Variants in ITPRIP observed in about 807,000 individuals in gnomAD.
The protein encoded by ITPRIP is inositol 1,4,5-trisphosphate receptor interacting protein, also known as inositol 1,4,5-trisphosphate receptor-interacting protein.
In ITPRIP, 32 loss-of-function variants were observed where a neutral mutation model predicts 35.8. That is an observed-to-expected ratio of 0.89 (90% CI 0.68 to 1.20). The LOEUF (loss-of-function observed/expected upper bound fraction) is 1.20. Among genes scored for constraint, ITPRIP ranks in the 50% most tolerant of loss-of-function variants. The probability of loss-of-function intolerance (pLI) is 0.00; values close to 1 mark genes in which losing one functional copy is unlikely to be tolerated. For missense variants in ITPRIP, 653 were observed against 735.6 expected (o/e 0.89, Z 1.30); for synonymous variants, 358 against 324.0 (o/e 1.11, Z -1.13).
chr10:104,338,088 T>C (rs2014276986), intron 1 of ITPRIP, among the ~76,000 whole-genome samples, 158 bp downstream of exon 1: 1 of 152,148 alleles, frequency 6.6e-6, no homozygotes, highest in African/African-American at 2.4e-5. Flanking sequence ...GAAGGGGGTC[T>C]CCAAAGTCAG....
In ITPRIP at chr10:104,328,236, C is replaced by T. The variant is rs1236494206; in HGVS notation, c.-14+10010G>A. ...CACAGTGACAGCAATGCGCCCTCAC[C>T]ACTTCCCGTTGTCCTACATTGGCTT... On this transcript the variant is annotated intron_variant, in intron 1 of 1. Coordinates refer to ENST00000337478, the MANE Select transcript of ITPRIP (RefSeq NM_001272013.2). This position sits in a 1 kb window ranked among gnomAD's most constrained non-coding sequence, Gnocchi z 4.1. 1 of 985,422 alleles carries T rather than the reference C, an allele frequency of 1.0e-6. No individual in the cohort carries two copies. The highest frequency in any genetic ancestry group is 4.7e-5 in the South Asian group (1 of 21,284). 61.0% of individuals were successfully genotyped at this position (985,422 alleles called of 1,614,324 possible).
intron 1 of ITPRIP, among the ~76,000 whole-genome samples, chr10:104,317,668 AC>A (rs2013725791): frequency 6.6e-6 from 1 of 151,772 alleles, no homozygotes; most frequent in South Asian, 2.1e-4. Context: ...TCCTTCTACC[AC>A]CCCCTAGTGC....
chr10:104,321,216 G>A (rs1484670879), intron 1 of ITPRIP, among the ~76,000 whole-genome samples: 1 of 152,182 alleles, frequency 6.6e-6, no homozygotes, highest in Non-Finnish European at 1.5e-5. Flanking sequence ...ACATCAGCTG[G>A]TGGGTTTGGC....
Position 104,314,498 on chromosome 10 carries a change from G to A in ITPRIP, c.1554C>T (p.Asp518=). The A allele has an allele frequency of 1.2e-6, 2 of 1,614,226 alleles. No individual in the cohort carries two copies. Among genetic ancestry groups the A allele is most frequent in the Non-Finnish European group, 1.7e-6 (2 of 1,180,046 alleles). The change falls in exon 2 of 2, where the codon GAC becomes GAT. Residue 518 remains aspartate (D), a synonymous_variant. Transcript: ENST00000337478. ...CATTCTTGAGCATCTCATAGAAGGAGTCCAGTGTCTTACGGTAAAGGCTTC... is the reference window on the plus strand; with the variant it reads ...CATTCTTGAGCATCTCATAGAAGGAATCCAGTGTCTTACGGTAAAGGCTTC... The part of the protein sequence containing the change: ...LQRSLYRKTL[D]SFYEMLKNAP...
In ITPRIP at chr10:104,334,102, C is replaced by G. The variant is rs190483481; in HGVS notation, c.-14+4144G>C. Among the ~76,000 whole-genome samples the G allele has an allele frequency of 2.7e-3, 405 of 152,346 alleles. 3 individuals carry two copies. The highest frequency in any genetic ancestry group is 3.9e-3 in the Non-Finnish European group (262 of 68,024). ...GGTGGAGCCAGGACTCAACTCAAGTCTGCCCCACTTCAAAGCCCGTGCAGT... is the reference window on the plus strand; with the variant it reads ...GGTGGAGCCAGGACTCAACTCAAGTGTGCCCCACTTCAAAGCCCGTGCAGT... On this transcript the variant is annotated intron_variant, in intron 1 of 1. Transcript: ENST00000337478.
At chr10:104,321,553 C>T (rs1048570857) in intron 1 of ITPRIP, among the ~76,000 whole-genome samples, 4 of 152,140 alleles carry the variant, frequency 2.6e-5, no homozygotes, top group African/African-American at 7.2e-5. Flanking sequence ...ACTCCTGGGT[C>T]CCCCAGAGCC....
intron 1 of ITPRIP, among the ~76,000 whole-genome samples, chr10:104,337,024 G>A (rs1305432131): frequency 6.6e-6 from 1 of 152,200 alleles, no homozygotes; most frequent in South Asian, 2.1e-4. Context: ...GAATGGCCCA[G>A]AGCAGCCGCA....
intron 1 of ITPRIP, among the ~76,000 whole-genome samples, chr10:104,319,448 CCT>C (rs908449324): frequency 9.2e-5 from 14 of 152,194 alleles, no homozygotes; most frequent in African/African-American, 2.7e-4. Flanking sequence ...TTGGCACACC[CCT>C]GAGTCCACCC....
At chr10:104,335,500 G>C (rs1461016045) in intron 1 of ITPRIP, among the ~76,000 whole-genome samples, 4 of 152,270 alleles carry the variant, frequency 2.6e-5, no homozygotes, top group Non-Finnish European at 5.9e-5. Context: ...CCTCATGCCA[G>C]GCCCCAAACT....
intron 1 of ITPRIP, among the ~76,000 whole-genome samples, chr10:104,324,596 C>T (rs1198776198): frequency 6.6e-6 from 1 of 152,154 alleles, no homozygotes; most frequent in Non-Finnish European, 1.5e-5. Context: ...ACCCACCTCC[C>T]CCAGACCTGC....
Position 104,314,954 on chromosome 10 carries a change from G to A in ITPRIP, c.1098C>T (p.Pro366=). Residue 366 remains proline, a synonymous_variant, in exon 2 of 2, where the codon CCC becomes CCT. Transcript: ENST00000337478. ...CTGGGGTGCCCTCAGAGGGCTCCCT[G>A]GGAAGGTGGGAGACAAAGTACAGGT... ...DSDLYFVSHL[P]REPSEGTPAS... The A allele has an allele frequency of 1.2e-6, 2 of 1,613,720 alleles. No homozygotes were observed. Among genetic ancestry groups the A allele is most frequent in the Non-Finnish European group, 1.7e-6 (2 of 1,180,008 alleles).
At chr10:104,317,951 G>A (rs2013732757) in intron 1 of ITPRIP, among the ~76,000 whole-genome samples, 1 of 152,312 alleles carries the variant, frequency 6.6e-6, no homozygotes, top group African/African-American at 2.4e-5. Context: ...CAGGTCTGCA[G>A]GAACCACAAG....
chr10:104,323,022 G>C (rs2013896091), intron 1 of ITPRIP, among the ~76,000 whole-genome samples: 2 of 152,146 alleles, frequency 1.3e-5, no homozygotes, highest in African/African-American at 4.8e-5. Context: ...ATTTAAGAAA[G>C]TCAGAATATA....
intron 1 of ITPRIP, among the ~76,000 whole-genome samples, chr10:104,322,740 C>T (rs2013886272): frequency 6.6e-6 from 1 of 152,302 alleles, no homozygotes; most frequent in African/African-American, 2.4e-5. Flanking sequence ...CCTGGCGTCA[C>T]GTTCAGAGCC....
intron 1 of ITPRIP, among the ~76,000 whole-genome samples, chr10:104,331,770 C>G (rs895892910): frequency 6.6e-6 from 1 of 152,188 alleles, no homozygotes; most frequent in Non-Finnish European, 1.5e-5. Flanking sequence ...GAAGGGAAAG[C>G]CTTTCCTTCC....
intron 1 of ITPRIP, among the ~76,000 whole-genome samples, chr10:104,317,273 C>T (rs2013716470): frequency 6.6e-6 from 1 of 152,134 alleles, no homozygotes; most frequent in Non-Finnish European, 1.5e-5. Context: ...CACTCTGTTC[C>T]CCTAGGATAA....
At chr10:104,319,263 T>C (rs996958936) in intron 1 of ITPRIP, among the ~76,000 whole-genome samples, 4 of 152,212 alleles carry the variant, frequency 2.6e-5, no homozygotes, top group African/African-American at 9.6e-5. Context: ...ATCATACACC[T>C]TGGGTGCTTA....
chr10:104,316,072 C>G lies in ITPRIP; in HGVS notation c.-13-8G>C. 4.5e-6 allele frequency: 7 copies of G among 1,539,340 alleles called. No homozygotes were observed. Among genetic ancestry groups the G allele is most frequent in the Non-Finnish European group, 6.1e-6 (7 of 1,147,654 alleles). On this transcript the variant is annotated splice_polypyrimidine_tract_variant and splice_region_variant and intron_variant, in intron 1 of 1. Coordinates refer to ENST00000337478, the MANE Select transcript of ITPRIP (RefSeq NM_001272013.2). ...GCCATGGTTGGAGCTTTCCTGGGAACAGAGAGACAGATGGTCACACCAAGC... is the reference window on the plus strand; with the variant it reads ...GCCATGGTTGGAGCTTTCCTGGGAAGAGAGAGACAGATGGTCACACCAAGC...
intron 1 of ITPRIP, among the ~76,000 whole-genome samples, chr10:104,337,432 C>T (rs1036520962): frequency 2.6e-5 from 4 of 152,174 alleles, no homozygotes; most frequent in African/African-American, 9.7e-5. Context: ...GGGCAAAAGG[C>T]AAAATGAGGC....
Sources: allele counts gnomAD v4.1 joint callset (sites outside exome capture counted in the v4.1 genomes callset), GRCh38; gene constraint gnomAD v4.1.1; non-coding constraint Gnocchi (gnomAD v3.1); transcripts MANE v1.5; gene names NCBI Gene and HGNC (gene_info 2026-07-23, HGNC 2026-07-21).